Variants in RYK observed in about 807,000 individuals in gnomAD.
The protein encoded by RYK is inactive tyrosine-protein kinase RYK.
RYK carries 21 observed loss-of-function variants against 70.2 expected under a neutral mutation model. The ratio of observed to expected loss-of-function variants is 0.30; its 90% confidence interval spans 0.21 to 0.43. RYK has a LOEUF of 0.43. Ranked by LOEUF, RYK falls within the 20% of genes least tolerant of loss-of-function variation. The pLI, the probability that RYK is intolerant of heterozygous loss-of-function variation, is 1.00. For missense variants in RYK, 604 were observed against 753.3 expected, an observed-to-expected ratio of 0.80 and a Z score of 2.32; for synonymous variants, 267 against 278.0, an observed-to-expected ratio of 0.96 and a Z score of 0.39.
At chr3:134,181,901 C>T (rs1234444894) in intron 10 of RYK, among the ~76,000 whole-genome samples, 1 of 152,166 alleles carries the variant, frequency 6.6e-6, no homozygotes, top group Non-Finnish European at 1.5e-5. Context: ...CACAGTGGCT[C>T]ATGCCTGTAA....
intron 5 of RYK, among the ~76,000 whole-genome samples, chr3:134,205,539 T>C (rs1313951041): frequency 6.6e-6 from 1 of 152,094 alleles, no homozygotes; most frequent in African/African-American, 2.4e-5. Context: ...AGCAGTACTG[T>C]CCAAGCACTT....
intron 5 of RYK, among the ~76,000 whole-genome samples, chr3:134,206,959 A>G (rs2014229899): frequency 6.6e-6 from 1 of 152,112 alleles, no homozygotes; most frequent in Non-Finnish European, 1.5e-5. Flanking sequence ...GAAGAGTAAG[A>G]CCCAACGATG....
intron 13 of RYK, among the ~76,000 whole-genome samples, chr3:134,160,504 AAT>A (rs2012424800): frequency 6.6e-6 from 1 of 152,226 alleles, no homozygotes; most frequent in Non-Finnish European, 1.5e-5. Context: ...AAAGCCTTAT[AAT>A]AGTGAACAAT....
chr3:134,159,550 A>C (rs2012381256), intron 13 of RYK, among the ~76,000 whole-genome samples, 177 bp from the exon 14 acceptor site: 1 of 152,262 alleles, frequency 6.6e-6, no homozygotes, highest in African/African-American at 2.4e-5. Context: ...TAAGATAAAA[A>C]AGAGTGCATC....
At position 134,195,137 on chromosome 3, in the gene RYK, G is replaced by T. The variant is rs751332638; in HGVS notation, c.834C>A (p.Thr278=). 1.9e-6 allele frequency: 3 copies of T among 1,613,434 alleles called. No individual in the cohort carries two copies. The highest frequency in any genetic ancestry group is 2.5e-6 in the Non-Finnish European group (3 of 1,179,592). ...CTGCTCTCAGATACTGAGTCGTCTG[G>T]GTGGATGGCTGAGACAGCCCTTGGG... The part of the protein sequence containing the change: ...SSSQGLSQPS[T]QTTQYLRADT... Residue 278 remains threonine (T), a synonymous_variant, in exon 7 of 15, where the codon ACC becomes ACA. Coordinates refer to ENST00000623711, the MANE Select transcript of RYK (RefSeq NM_002958.4).
intron 13 of RYK, among the ~76,000 whole-genome samples, chr3:134,163,248 T>C (rs925972251): frequency 4.6e-5 from 7 of 152,142 alleles, no homozygotes; most frequent in Admixed American, 4.6e-4. Flanking sequence ...AACCAACCCT[T>C]AAAAAAATAA....
At chr3:134,199,756 T>C (rs965195014) in intron 6 of RYK, among the ~76,000 whole-genome samples, 7 of 152,124 alleles carry the variant, frequency 4.6e-5, no homozygotes, top group South Asian at 2.1e-4. Context: ...CAGAAGAACT[T>C]TGTCCATCAC....
At position 134,157,498 on chromosome 3, in the gene RYK, G is replaced by C. The variant is rs899554523; in HGVS notation, c.*655C>G. ...TTCCTGCTTTCCCAAAAACACGAAA[G>C]CAGAATTCCTTTTCACTGAAAAAAA... is the stretch of plus-strand genomic sequence containing the variant. On this transcript the variant is annotated 3_prime_UTR_variant, in exon 15 of 15. Coordinates refer to ENST00000623711, the MANE Select transcript of RYK (RefSeq NM_002958.4). The C allele has an allele frequency of 5.9e-5, 9 of 152,178 alleles. No homozygotes were observed. The highest frequency in any genetic ancestry group is 2.2e-4 in the African/African-American group (9 of 41,446). The allele number at this position is 152,178 out of a possible 1,614,324, so 9.4% of individuals were successfully genotyped here.
At chr3:134,209,093 C>T (rs561441029) in intron 4 of RYK, among the ~76,000 whole-genome samples, 9 of 152,194 alleles carry the variant, frequency 5.9e-5, no homozygotes, top group Admixed American at 3.9e-4. Context: ...CATATCCACT[C>T]GATTTCTTCA....
At chr3:134,220,078 T>C (rs1317468588) in intron 2 of RYK, among the ~76,000 whole-genome samples, 1 of 152,220 alleles carries the variant, frequency 6.6e-6, no homozygotes, top group Non-Finnish European at 1.5e-5. Flanking sequence ...AGCACCTTTG[T>C]GGTATCACTG....
At chr3:134,231,130 G>A (rs9809556) in intron 1 of RYK, among the ~76,000 whole-genome samples, 46,139 of 149,634 alleles carry the variant, frequency 0.31, 8,494 homozygotes, top group Middle Eastern at 0.47. Context: ...GCATCTAGGA[G>A]TTCTGTAAAT....
At chr3:134,189,823 AAGGAAC>A (rs2013590861) in intron 8 of RYK, among the ~76,000 whole-genome samples, 1 of 152,004 alleles carries the variant, frequency 6.6e-6, no homozygotes, top group Non-Finnish European at 1.5e-5. Context: ...GGTGCTAGGG[AAGGAAC>A]TAAGAAAATC....
At chr3:134,212,995 T>C (rs192709319) in intron 2 of RYK, among the ~76,000 whole-genome samples, 3 of 152,300 alleles carry the variant, frequency 2.0e-5, no homozygotes, top group East Asian at 1.9e-4. Context: ...ACAAAGGAAA[T>C]GTTCTTGCTG....
chr3:134,165,102 G>A (rs191788384), intron 13 of RYK, among the ~76,000 whole-genome samples: 15 of 152,248 alleles, frequency 9.9e-5, no homozygotes, highest in Admixed American at 9.1e-4. Context: ...GTATTGTATA[G>A]CTCTTTCACA....
chr3:134,175,343 T>TAAAA (rs75907041), intron 13 of RYK, among the ~76,000 whole-genome samples: 2,322 of 128,834 alleles, frequency 0.018, 65 homozygotes, highest in African/African-American at 0.063. Flanking sequence ...AACTCTGTCT[T>TAAAA]AAAAAAAAAA....
chr3:134,219,910 T>C (rs2014686770), intron 2 of RYK, among the ~76,000 whole-genome samples: 2 of 152,222 alleles, frequency 1.3e-5, no homozygotes, highest in Non-Finnish European at 1.5e-5. Context: ...AGGAATGAGA[T>C]TTTTTTAAAA....
intron 10 of RYK, chr3:134,179,201 CAA>C (rs1404608663): frequency 2.4e-4 from 36 of 152,136 alleles, no homozygotes; most frequent in African/African-American, 8.2e-4. Context: ...TGGAAATATG[CAA>C]AGAGTTAAGA....
At chr3:134,235,305 AT>A (rs2015172851) in intron 1 of RYK, among the ~76,000 whole-genome samples, 1 of 149,568 alleles carries the variant, frequency 6.7e-6, no homozygotes, top group Non-Finnish European at 1.5e-5. Context: ...AATATATGGC[AT>A]TTTTCTTCTT....
In RYK at chr3:134,191,930, T is replaced by C; in HGVS notation, c.934A>G (p.Thr312Ala). The C allele has an allele frequency of 6.2e-7, 1 of 1,613,400 alleles. No homozygotes were observed. Among genetic ancestry groups the C allele is most frequent in the East Asian group, 2.2e-5 (1 of 44,844 alleles). ...ACCTTGCCTTTGGCCTCCAAAAGAG[T>C]GACACTTCTCAAGTCGTTCTTCTCT... ...RIEKNDLRSV[T>A]LLEAKGKVKD... is the part of the protein sequence containing the mutation. Residue 312 changes from threonine (T) to alanine (A), a missense_variant, in exon 8 of 15, where the codon ACT becomes GCT. Thr to Ala is a moderately conservative substitution (Grantham distance 58). This residue lies in a region of RYK where 466 missense variants were observed against 535.9 expected (regional missense o/e 0.87). Transcript: ENST00000623711.
Sources: allele counts gnomAD v4.1 joint callset (sites outside exome capture counted in the v4.1 genomes callset), GRCh38; gene constraint gnomAD v4.1.1; regional missense constraint gnomAD v4.1.1; transcripts MANE v1.5; gene names NCBI Gene and HGNC (gene_info 2026-07-23, HGNC 2026-07-21).